APLP2: variants seen among roughly 807,000 people sequenced by gnomAD.
APLP2 encodes the protein amyloid beta precursor like protein 2.
In APLP2, 53 loss-of-function variants were observed where a neutral mutation model predicts 89.9. That is an observed-to-expected ratio of 0.59 (90% CI 0.47 to 0.74). The LOEUF is 0.74. Among genes scored for constraint, APLP2 ranks in the 30% least tolerant of loss-of-function variants. The pLI, the probability that APLP2 is intolerant of heterozygous loss-of-function variation, is 0.00. For synonymous variants in APLP2, 372 were observed against 348.6 expected, an observed-to-expected ratio of 1.07 and a Z score of -0.75; for missense variants, 973 against 975.9, an observed-to-expected ratio of 1.00 and a Z score of 0.04.
At chr11:130,085,449 C>T (rs1440058443) in intron 1 of APLP2, among the ~76,000 whole-genome samples, 1 of 124,978 alleles carries the variant, frequency 8.0e-6, no homozygotes, top group Non-Finnish European at 1.5e-5. Context: ...GAGACTCCAT[C>T]TCAAAAAAAA....
intron 3 of APLP2, among the ~76,000 whole-genome samples, chr11:130,115,543 G>A (rs368536379): frequency 1.3e-5 from 2 of 152,212 alleles, no homozygotes; most frequent in Non-Finnish European, 2.9e-5. Flanking sequence ...AATGAATATT[G>A]TATAGGTTAG....
intron 3 of APLP2, among the ~76,000 whole-genome samples, chr11:130,118,654 A>G (rs1949486275): frequency 6.6e-6 from 1 of 152,186 alleles, no homozygotes; most frequent in African/African-American, 2.4e-5. Flanking sequence ...ACTTAGATTG[A>G]GTATCAGGGT....
At chr11:130,116,133 T>C (rs1273224978) in intron 3 of APLP2, among the ~76,000 whole-genome samples, 1 of 152,114 alleles carries the variant, frequency 6.6e-6, no homozygotes, top group African/African-American at 2.4e-5. Flanking sequence ...GTGCTACTTT[T>C]AGGGATACAT....
intron 1 of APLP2, among the ~76,000 whole-genome samples, chr11:130,091,925 C>G (rs1164939543): frequency 3.3e-4 from 41 of 124,854 alleles, no homozygotes; most frequent in African/African-American, 1.4e-3. Context: ...ACTTCTCAGA[C>G]GGGGCAGCTG....
rs1238306854 is a variant in APLP2 at position 130,073,803 on chromosome 11, G to A, written c.105+3721G>A. Among the ~76,000 whole-genome samples the A allele has an allele frequency of 2.6e-5, 4 of 152,156 alleles. No homozygotes were observed. The East Asian group carries it at 7.7e-4, about 29-fold the overall frequency. ...GCCGAGATCACACCACTGCACTCCA[G>A]CCTGGGCAACAGAGCGAGACTCCAT... On this transcript the variant is annotated intron_variant, in intron 1 of 16. Transcript: ENST00000338167.
intron 1 of APLP2, among the ~76,000 whole-genome samples, chr11:130,079,868 G>C (rs1323669011): frequency 6.6e-6 from 1 of 152,194 alleles, no homozygotes; most frequent in Non-Finnish European, 1.5e-5. Flanking sequence ...GTAGATACCA[G>C]ACCCTTTATC....
At chr11:130,136,033 T>C (rs966482642) in intron 13 of APLP2, among the ~76,000 whole-genome samples, 1 of 152,156 alleles carries the variant, frequency 6.6e-6, no homozygotes, top group Non-Finnish European at 1.5e-5. Context: ...AGCGCCTTCC[T>C]GTTATGGTGT....
chr11:130,087,467 G>T (rs1944288957), intron 1 of APLP2, among the ~76,000 whole-genome samples: 2 of 152,226 alleles, frequency 1.3e-5, no homozygotes, highest in Non-Finnish European at 2.9e-5. Context: ...AGTTGGTGAA[G>T]AGAGCCTGTG....
intron 1 of APLP2, chr11:130,100,484 T>C (rs546267101): frequency 1.3e-5 from 2 of 152,228 alleles, no homozygotes; most frequent in South Asian, 4.1e-4. Flanking sequence ...TATGTATTTG[T>C]ATATTTTGAA....
intron 1 of APLP2, among the ~76,000 whole-genome samples, chr11:130,084,634 C>T (rs894579954): frequency 7.9e-5 from 12 of 151,740 alleles, no homozygotes; most frequent in Non-Finnish European, 1.3e-4. Flanking sequence ...ATGTTTTGAA[C>T]GAATGAAAAC....
intron 3 of APLP2, among the ~76,000 whole-genome samples, chr11:130,112,704 G>A (rs563378715): frequency 6.6e-6 from 1 of 152,248 alleles, no homozygotes; most frequent in South Asian, 2.1e-4. Context: ...GTTTCTCAGT[G>A]CTGGCTGTCC....
chr11:130,137,156 A>G, intron 13 of APLP2: 1 of 1,073,628 alleles, frequency 9.3e-7, no homozygotes. Context: ...TTCACATTAT[A>G]GAGAAATTCT....
chr11:130,127,725 G>A, intron 8 of APLP2, 41 bp from the exon 9 acceptor site: 2 of 1,546,402 alleles, frequency 1.3e-6, no homozygotes, highest in Non-Finnish European at 1.8e-6. Flanking sequence ...TTGTTTCGGG[G>A]TATTAATCAC....
rs964831504 is a variant in APLP2, at chr11:130,144,623, C to T, written c.*1175C>T. Reference sequence around the variant, plus strand: ...ATTTTAAATCTGAAGGTTCTGGTAACCTGTGGTGTATTTTTATTTTCCTGT... The same window carrying T: ...ATTTTAAATCTGAAGGTTCTGGTAATCTGTGGTGTATTTTTATTTTCCTGT... On this transcript the variant is annotated 3_prime_UTR_variant, in exon 17 of 17. Coordinates refer to ENST00000338167, the MANE Select transcript of APLP2 (RefSeq NM_001142276.2). The T allele has an allele frequency of 1.3e-5, 2 of 152,514 alleles. No individual in the cohort carries two copies. The highest frequency in any genetic ancestry group is 2.9e-5 in the Non-Finnish European group (2 of 68,080). 9.4% of individuals were successfully genotyped at this position (152,514 alleles called of 1,614,324 possible).
At position 130,125,221 on chromosome 11, in the gene APLP2, C is replaced by T. The variant is rs79590238; in HGVS notation, c.1090+1442C>T. Among the ~76,000 whole-genome samples, 743 of 152,244 alleles carry T rather than the reference C, an allele frequency of 4.9e-3. 5 individuals carry two copies. Among genetic ancestry groups the T allele is most frequent in the African/African-American group, 0.017 (708 of 41,542 alleles). ...ATTCCACAGGGACCGAGGGTGTCTT[C>T]AGAAAAAAGCATTTCGGCCCGCTGT... is the stretch of plus-strand genomic sequence containing the variant. On this transcript the variant is annotated intron_variant, in intron 7 of 16. Transcript: ENST00000338167.
At chr11:130,124,108 T>C (rs1410896115) in intron 7 of APLP2, among the ~76,000 whole-genome samples, 2 of 152,110 alleles carry the variant, frequency 1.3e-5, no homozygotes, top group Non-Finnish European at 2.9e-5. Context: ...CAGGCCACTG[T>C]AGTATTGGTG....
chr11:130,123,609 C>T lies in APLP2; in HGVS notation c.923-3C>T, dbSNP rs774730310. The T allele has an allele frequency of 1.2e-6, 2 of 1,612,162 alleles. No individual in the cohort carries two copies. Among genetic ancestry groups the T allele is most frequent in the South Asian group, 2.2e-5 (2 of 90,906 alleles). On this transcript the variant is annotated splice_region_variant and splice_polypyrimidine_tract_variant and intron_variant, in intron 6 of 16. Transcript: ENST00000338167. This position sits in a 1 kb window ranked among gnomAD's most constrained non-coding sequence, Gnocchi z 4.0. ...TGCTGACACTCTGACCATTTTCACA[C>T]AGCTGTCTGCTCCCAGGAGGCGATG...
chr11:130,092,034 C>T (rs1438506797), intron 1 of APLP2, among the ~76,000 whole-genome samples: 5 of 127,028 alleles, frequency 3.9e-5, no homozygotes, highest in Admixed American at 3.6e-4. Flanking sequence ...CGCTCCTCAC[C>T]TCCCAGACGG....
chr11:130,141,139 C>G lies in APLP2; in HGVS notation c.1924-359C>G, dbSNP rs1952330428. ...GCCAGGATGGTCTCGATCTCCTGAC[C>G]TTGTGATCCACCTGCCTCGGCCTCC... On this transcript the variant is annotated intron_variant, in intron 14 of 16. Coordinates refer to ENST00000338167, the MANE Select transcript of APLP2 (RefSeq NM_001142276.2). The surrounding 1 kb of genome is among the most constrained non-coding windows in gnomAD (Gnocchi z 4.2). 5.4e-6 allele frequency: 1 copy of G among 185,838 alleles called. No homozygotes were observed. Among genetic ancestry groups the G allele is most frequent in the African/African-American group, 2.4e-5 (1 of 42,306 alleles). 11.5% of individuals were successfully genotyped at this position (185,838 alleles called of 1,614,324 possible).
Sources: gnomAD v4.1 joint callset for allele counts (sites outside exome capture counted in the v4.1 genomes callset) on GRCh38, gnomAD v4.1.1 for gene constraint, Gnocchi (gnomAD v3.1) non-coding constraint, MANE v1.5 for transcripts, NCBI Gene and HGNC (gene_info 2026-07-23, HGNC 2026-07-21) for gene names.